EIF3B: variants seen among roughly 807,000 people sequenced by gnomAD.
The protein encoded by EIF3B is eukaryotic translation initiation factor 3 subunit 9.
In EIF3B, 10 loss-of-function variants were observed where a neutral mutation model predicts 104.6. That is an observed-to-expected ratio of 0.10 (90% CI 0.06 to 0.16). The LOEUF is 0.16. Among genes scored for constraint, EIF3B ranks in the 10% least tolerant of loss-of-function variants. EIF3B has a pLI of 1.00. For synonymous variants in EIF3B, 542 were observed against 417.2 expected (o/e 1.30, Z -3.65); for missense variants, 1,014 against 1,087.9 (o/e 0.93, Z 0.96).
intron 2 of EIF3B, 58 bp from the exon 3 acceptor site, chr7:2,362,587 G>A: frequency 6.2e-7 from 1 of 1,606,790 alleles, no homozygotes. Context: ...GGGGCGGACA[G>A]CGCATACCTG....
At chr7:2,354,777 G>A (rs890717794), upstream of EIF3B, 5 of 800,140 alleles carry the variant, frequency 6.2e-6, no homozygotes, top group Non-Finnish European at 7.7e-6. Context: ...CCAGGGCGTG[G>A]GTGCGCCCCC....
intron 1 of EIF3B, among the ~76,000 whole-genome samples, chr7:2,359,137 G>A (rs559917824): frequency 6.6e-6 from 1 of 152,264 alleles, no homozygotes; most frequent in African/African-American, 2.4e-5. Context: ...CCCTGATAGT[G>A]TTTTTCAAAA....
chr7:2,366,700 C>A, intron 8 of EIF3B, 109 bp downstream of exon 8: 2 of 1,277,972 alleles, frequency 1.6e-6, no homozygotes, highest in Non-Finnish European at 1.1e-6. Context: ...TTCACAGATG[C>A]ATAGGAAAGG....
At chr7:2,357,636 C>T (rs1382132610) in intron 1 of EIF3B, among the ~76,000 whole-genome samples, 1 of 152,188 alleles carries the variant, frequency 6.6e-6, no homozygotes, top group Admixed American at 6.6e-5. Context: ...ATTAACTATT[C>T]TTTCTCTTTC....
At chr7:2,360,175 A>T (rs1779654559) in intron 1 of EIF3B, among the ~76,000 whole-genome samples, 1 of 152,214 alleles carries the variant, frequency 6.6e-6, no homozygotes, top group African/African-American at 2.4e-5. Flanking sequence ...AGTTCACTCG[A>T]GAGAGGGTTC....
chr7:2,354,956 C>G lies in EIF3B; in HGVS notation c.35C>G (p.Ala12Gly). Residue 12 changes from alanine to glycine, a missense_variant, in exon 1 of 19, where the codon GCG becomes GGG. Physicochemically the swap from Ala to Gly is moderately conservative, Grantham distance 60. Around this residue, in one of 4 missense-constraint regions of EIF3B, gnomAD observed 488 missense variants for 404.3 expected, o/e 1.21. Coordinates refer to ENST00000360876, the MANE Select transcript of EIF3B (RefSeq NM_001037283.2). Reference protein sequence around the residue: ...QDAENVAVPEAAEERAEPGQQ... With the variant: ...QDAENVAVPEGAEERAEPGQQ... ...GCGGAGAACGTGGCGGTGCCCGAGGCGGCCGAGGAGCGCGCCGAGCCCGGC... is the reference window on the plus strand; with the variant it reads ...GCGGAGAACGTGGCGGTGCCCGAGGGGGCCGAGGAGCGCGCCGAGCCCGGC... 8.2e-7 allele frequency: 1 copy of G among 1,223,904 alleles called. No individual in the cohort carries two copies. The highest frequency in any genetic ancestry group is 1.0e-6 in the Non-Finnish European group (1 of 975,472). 75.8% of individuals were successfully genotyped at this position (1,223,904 alleles called of 1,614,324 possible).
chr7:2,360,667 T>C, intron 1 of EIF3B, 43 bp from the exon 2 acceptor site: 4 of 1,511,642 alleles, frequency 2.6e-6, no homozygotes, highest in Non-Finnish European at 3.6e-6. Flanking sequence ...TATTAATGTT[T>C]TTCTTGGTAA....
At chr7:2,376,918 C>G in intron 14 of EIF3B, 32 bp from the exon 15 acceptor site, 3 of 1,602,434 alleles carry the variant, frequency 1.9e-6, no homozygotes, top group Non-Finnish European at 2.6e-6. Context: ...TCTGACCCCT[C>G]TGTGTCCTGG....
rs1162658328 is a variant in EIF3B, at chr7:2,380,561, G to A, written c.*372G>A. ...CTCCTGCGCCCAGTGATGTTTCCAC[G>A]GTGCCTGTACACAGCCGAGCAGCAT... On this transcript the variant is annotated 3_prime_UTR_variant, in exon 19 of 19. Transcript: ENST00000360876. 5 of 387,682 alleles carry A rather than the reference G, an allele frequency of 1.3e-5. No individual in the cohort carries two copies. Among genetic ancestry groups the A allele is most frequent in the Non-Finnish European group, 2.1e-5 (4 of 194,990 alleles). 24.0% of individuals were successfully genotyped at this position (387,682 alleles called of 1,614,324 possible). A position where few individuals can be genotyped will look rare whatever the true frequency, so the allele number is the denominator to read the frequency against.
At chr7:2,360,998 G>GC in intron 2 of EIF3B, 96 bp downstream of exon 2, 1 of 1,048,502 alleles carries the variant, frequency 9.5e-7, no homozygotes, top group Non-Finnish European at 1.4e-6. Context: ...CTCCTGCCTT[G>GC]CCCAGGCACG....
In EIF3B at chr7:2,364,352, G is replaced by A. The variant is rs1439620035; in HGVS notation, c.1000-20G>A. ...TTTGCCATTTTGTTGTATTAACGTT[G>A]GCACTGCCTTTTTCTGCAGAGATGG... On this transcript the variant is annotated intron_variant, in intron 5 of 18. Coordinates refer to ENST00000360876, the MANE Select transcript of EIF3B (RefSeq NM_001037283.2). The A allele has an allele frequency of 2.5e-6, 4 of 1,569,504 alleles. No homozygotes were observed. The highest frequency in any genetic ancestry group is 3.4e-6 in the Non-Finnish European group (4 of 1,163,774).
At position 2,363,754 on chromosome 7, in the gene EIF3B, A is replaced by C; in HGVS notation, c.993A>C (p.Glu331Asp). The change falls in exon 5 of 19, where the codon GAA (glutamate) becomes GAC (aspartate). Residue 331 changes from glutamate (E) to aspartate (D), a missense_variant. Transcript: ENST00000360876. ...NDVKDPVSIE[E>D]RARWTETYVR... ...TAAAAGACCCTGTCTCAATTGAAGA[A>C]AGAGCGGTGTGTATTTGCTGCTGCT... 6.2e-7 allele frequency: 1 copy of C among 1,613,528 alleles called. No homozygotes were observed. Among genetic ancestry groups the C allele is most frequent in the Non-Finnish European group, 8.5e-7 (1 of 1,179,862 alleles).
intron 6 of EIF3B, 68 bp from the exon 7 acceptor site, chr7:2,366,249 G>C: frequency 1.3e-6 from 2 of 1,493,432 alleles, no homozygotes; most frequent in Non-Finnish European, 1.8e-6. Context: ...GCGTGTTCTG[G>C]CCGCACAGAC....
At chr7:2,379,575 C>A in intron 18 of EIF3B, 64 bp downstream of exon 18, 2 of 1,042,292 alleles carry the variant, frequency 1.9e-6, no homozygotes, top group Non-Finnish European at 2.9e-6. Context: ...CAGTTATCCC[C>A]GTCACTGAGG....
chr7:2,363,052 G>T lies in EIF3B; in HGVS notation c.813-18G>T, dbSNP rs752373978. 1.2e-6 allele frequency: 2 copies of T among 1,613,816 alleles called. No homozygotes were observed. Among genetic ancestry groups the T allele is most frequent in the African/African-American group, 1.3e-5 (1 of 74,912 alleles). On this transcript the variant is annotated intron_variant, in intron 3 of 18. Transcript: ENST00000360876. ...AGTCGTCAGGGCGTGGGGCTCAGCA[G>T]TCTCCTTTCTTCTCCAGGTATATGA... is the stretch of plus-strand genomic sequence containing the variant.
chr7:2,376,798 G>A, intron 14 of EIF3B, 152 bp from the exon 15 acceptor site: 2 of 1,156,304 alleles, frequency 1.7e-6, no homozygotes, highest in Non-Finnish European at 2.4e-6. Flanking sequence ...TGCATTGACT[G>A]CCCACCTACC....
rs1469393448 is a variant in EIF3B, at chr7:2,377,154, T to C, written c.2154+79T>C. ...GAAAAGGTGTCAGTTTTTTCTGTTA[T>C]TGTTAGGGTGGTGACTGGGGGATAA... On this transcript the variant is annotated intron_variant, in intron 15 of 18. Coordinates refer to ENST00000360876, the MANE Select transcript of EIF3B (RefSeq NM_001037283.2). The C allele has an allele frequency of 4.0e-6, 6 of 1,507,458 alleles. No homozygotes were observed. In the East Asian group the frequency reaches 9.3e-5, roughly 23 times the overall value. The allele number at this position is 1,507,458 out of a possible 1,614,324, so 93.4% of individuals were successfully genotyped here. A position where few individuals can be genotyped will look rare whatever the true frequency, so the allele number is the denominator to read the frequency against.
At chr7:2,375,092 T>C (rs920388318) in intron 13 of EIF3B, 1 of 440,514 alleles carries the variant, frequency 2.3e-6, no homozygotes, top group Non-Finnish European at 4.1e-6. Flanking sequence ...CTTTTGTTGC[T>C]GCTCTCCCTT....
rs569629906 is a variant in EIF3B, at chr7:2,367,760, G to T, written c.1403+715G>T. On this transcript the variant is annotated intron_variant, in intron 9 of 18. Coordinates refer to ENST00000360876, the MANE Select transcript of EIF3B (RefSeq NM_001037283.2). ...TGAGATTACAGGCGTGAGCCACCAT[G>T]CCCAGCCTGTCACTCAGTTCTTAAC... 3.5e-3 allele frequency among the ~76,000 whole-genome samples: 517 copies of T among 146,086 alleles called. 4 individuals are homozygous for T. The highest frequency in any genetic ancestry group is 0.012 in the African/African-American group (491 of 39,338).
Sources: gnomAD v4.1 joint callset for allele counts (sites outside exome capture counted in the v4.1 genomes callset) on GRCh38, gnomAD v4.1.1 for gene constraint, gnomAD v4.1.1 regional missense constraint, MANE v1.5 for transcripts, NCBI Gene and HGNC (gene_info 2026-07-23, HGNC 2026-07-21) for gene names.